The following MCTP1 variants were observed in gnomAD, a reference collection of about 807,000 sequenced individuals.
MCTP1 encodes multiple C2 and transmembrane domain containing 1, also known as multiple C2 and transmembrane domain-containing protein 1.
Under a neutral mutation model 120.6 loss-of-function variants are expected in MCTP1, and 69 were observed. The observed-to-expected ratio is 0.57, with a 90% CI of 0.47 to 0.70. MCTP1 has a LOEUF of 0.70. MCTP1 is among the 30% of genes least tolerant of loss of function. MCTP1 has a pLI of 0.00. For synonymous variants in MCTP1, 529 were observed against 493.1 expected (o/e 1.07, Z -0.96); for missense variants, 1,203 against 1,248.8 (o/e 0.96, Z 0.55).
chr5:94,787,764 C>T (rs1345223623), intron 18 of MCTP1, among the ~76,000 whole-genome samples: 2 of 152,088 alleles, frequency 1.3e-5, no homozygotes, highest in Non-Finnish European at 2.9e-5. Flanking sequence ...CTGCAGGTGC[C>T]CGCCATCGCG....
Position 94,866,889 on chromosome 5 carries a change from T to C in MCTP1, c.2436+1444A>G, listed in dbSNP as rs548377513. On this transcript the variant is annotated intron_variant, in intron 17 of 22. Coordinates refer to ENST00000515393, the MANE Select transcript of MCTP1 (RefSeq NM_024717.7). ...AATGCTAAAGTGTTCAAAATGAATG[T>C]TGCTGAACAAATAATACAATTATAT... is the stretch of plus-strand genomic sequence containing the variant. Among the ~76,000 whole-genome samples, 9 of 151,992 alleles carry C rather than the reference T, an allele frequency of 5.9e-5. No individual in the cohort carries two copies. The South Asian group carries it at 1.9e-3, about 32-fold the overall frequency.
At chr5:94,722,868 G>A (rs1406113088) in intron 19 of MCTP1, among the ~76,000 whole-genome samples, 1 of 152,106 alleles carries the variant, frequency 6.6e-6, no homozygotes, top group East Asian at 1.9e-4. Flanking sequence ...TATGTTTCCC[G>A]TGATGGATGC....
chr5:95,001,854 C>T (rs185648170), intron 2 of MCTP1, among the ~76,000 whole-genome samples: 29 of 152,288 alleles, frequency 1.9e-4, no homozygotes, highest in South Asian at 4.1e-4. Flanking sequence ...ATGTTAATCA[C>T]GAAGACAATG....
rs950823910 is a variant in MCTP1, at chr5:95,085,686, T to G, written c.721-68202A>C. ...TTTCCAAACTGCATCCCAACAAAAC[T>G]AGGCTAGTTTACAATTCAACCAACA... On this transcript the variant is annotated intron_variant, in intron 1 of 22. Transcript: ENST00000515393. Among the ~76,000 whole-genome samples the G allele has an allele frequency of 2.0e-5, 3 of 152,120 alleles. No individual in the cohort carries two copies. The East Asian group carries it at 5.8e-4, about 29-fold the overall frequency.
intron 1 of MCTP1, among the ~76,000 whole-genome samples, chr5:95,250,121 C>T (rs949720651): frequency 5.3e-5 from 8 of 151,948 alleles, no homozygotes; most frequent in Non-Finnish European, 1.0e-4. Flanking sequence ...CAAACCTGCA[C>T]GTTGTGCACA....
At chr5:95,246,442 T>C (rs1756796530) in intron 1 of MCTP1, among the ~76,000 whole-genome samples, 1 of 149,766 alleles carries the variant, frequency 6.7e-6, no homozygotes, top group African/African-American at 2.5e-5. Flanking sequence ...AGGCTCAAAA[T>C]AAAGGGATGG....
intron 18 of MCTP1, among the ~76,000 whole-genome samples, chr5:94,794,737 G>A: frequency 6.6e-6 from 1 of 152,208 alleles, no homozygotes; most frequent in East Asian, 1.9e-4. Flanking sequence ...AGGCTTAGCA[G>A]GATGCCTGAT....
At chr5:94,914,550 C>A (rs1264936331) in intron 8 of MCTP1, among the ~76,000 whole-genome samples, 1 of 152,208 alleles carries the variant, frequency 6.6e-6, no homozygotes, top group Non-Finnish European at 1.5e-5. Context: ...TATTTTCCTG[C>A]CTTGTTGAAC....
At chr5:95,169,778 T>G (rs982246621) in intron 1 of MCTP1, among the ~76,000 whole-genome samples, 11 of 152,226 alleles carry the variant, frequency 7.2e-5, no homozygotes, top group Non-Finnish European at 1.3e-4. Context: ...TATTTGATTC[T>G]TCTGTCTTCT....
intron 1 of MCTP1, among the ~76,000 whole-genome samples, chr5:95,122,734 T>C (rs1327755764): frequency 6.6e-6 from 1 of 152,152 alleles, no homozygotes; most frequent in Admixed American, 6.5e-5. Flanking sequence ...TAGCCAAGAT[T>C]TGGAATCAAT....
At chr5:94,942,706 A>C (rs1171023708) in intron 3 of MCTP1, among the ~76,000 whole-genome samples, 1 of 152,092 alleles carries the variant, frequency 6.6e-6, no homozygotes, top group Non-Finnish European at 1.5e-5. Flanking sequence ...AAATCTTCAA[A>C]AATGTGGGAA....
chr5:95,014,289 T>C (rs967575670), intron 2 of MCTP1, among the ~76,000 whole-genome samples: 2 of 151,876 alleles, frequency 1.3e-5, no homozygotes, highest in African/African-American at 2.4e-5. Context: ...AAATCCATGA[T>C]TTATGAGAGG....
intron 19 of MCTP1, among the ~76,000 whole-genome samples, chr5:94,767,515 A>G (rs1233590218): frequency 1.3e-5 from 2 of 152,198 alleles, no homozygotes; most frequent in African/African-American, 4.8e-5. Flanking sequence ...AGAAAAACCT[A>G]AAGACACCAC....
chr5:94,780,554 G>A (rs888749548), intron 18 of MCTP1, among the ~76,000 whole-genome samples: 9 of 152,072 alleles, frequency 5.9e-5, no homozygotes, highest in Non-Finnish European at 1.2e-4. Context: ...GAATTTTGAG[G>A]TCTTTCATTT....
chr5:94,984,363 G>A (rs1830073695), intron 2 of MCTP1, among the ~76,000 whole-genome samples: 1 of 152,170 alleles, frequency 6.6e-6, no homozygotes. Context: ...TTAAGGTAAA[G>A]AACTGAATCA....
intron 7 of MCTP1, among the ~76,000 whole-genome samples, chr5:94,918,881 G>A (rs1810834659): frequency 6.6e-6 from 1 of 152,162 alleles, no homozygotes; most frequent in Non-Finnish European, 1.5e-5. Flanking sequence ...ATAAACTGAG[G>A]CATAGAGAAG....
chr5:94,955,988 G>A (rs1561922230), intron 2 of MCTP1, among the ~76,000 whole-genome samples: 1 of 152,212 alleles, frequency 6.6e-6, no homozygotes, highest in Non-Finnish European at 1.5e-5. Context: ...CCTCCCAGCA[G>A]GGGTCGACAG....
At chr5:95,077,203 A>G (rs1042071759) in intron 1 of MCTP1, among the ~76,000 whole-genome samples, 25 of 152,198 alleles carry the variant, frequency 1.6e-4, no homozygotes, top group Non-Finnish European at 3.5e-4. Context: ...TTTAAAAATG[A>G]TCTTAAGAGT....
chr5:95,086,005 A>G (rs1755414897), intron 1 of MCTP1, among the ~76,000 whole-genome samples: 1 of 151,168 alleles, frequency 6.6e-6, no homozygotes, highest in Admixed American at 6.6e-5. Flanking sequence ...TCTTCTGTGT[A>G]TTTTTTTACT....
Sources: gnomAD v4.1 joint callset for allele counts (sites outside exome capture counted in the v4.1 genomes callset) on GRCh38, gnomAD v4.1.1 for gene constraint, MANE v1.5 for transcripts, NCBI Gene and HGNC (gene_info 2026-07-23, HGNC 2026-07-21) for gene names.